Variants in SPECC1L observed in about 807,000 individuals in gnomAD.
SPECC1L encodes cytospin-A.
In SPECC1L, 40 loss-of-function variants were observed where a neutral mutation model predicts 116.8. The ratio of observed to expected loss-of-function variants is 0.34; its 90% CI spans 0.27 to 0.45. The LOEUF (loss-of-function observed/expected upper bound fraction) is 0.45, where lower values mean the gene tolerates loss of function less well. SPECC1L is among the 20% of genes least tolerant of loss of function. The pLI, the probability that SPECC1L is intolerant of heterozygous loss-of-function variation, is 1.00. For synonymous variants in SPECC1L, 504 were observed against 500.6 expected, an observed-to-expected ratio of 1.01 and a Z score of -0.09; for missense variants, 1,110 against 1,373.6, an observed-to-expected ratio of 0.81 and a Z score of 3.03.
intron 3 of SPECC1L, among the ~76,000 whole-genome samples, chr22:24,302,987 C>A (rs890839118): frequency 2.0e-5 from 3 of 151,962 alleles, no homozygotes; most frequent in Non-Finnish European, 2.9e-5. Context: ...AGATATTATT[C>A]TTATTATTAC....
intron 6 of SPECC1L, among the ~76,000 whole-genome samples, chr22:24,326,187 A>G (rs958605117): frequency 6.6e-6 from 1 of 152,206 alleles, no homozygotes; most frequent in African/African-American, 2.4e-5. Context: ...TCCTGACCTC[A>G]GGTGATCAGC....
Position 24,414,604 on chromosome 22 carries a change from A to T in SPECC1L, c.3335A>T (p.Tyr1112Phe). 1 of 1,614,018 alleles carries T rather than the reference A, an allele frequency of 6.2e-7. No homozygotes were observed. Among genetic ancestry groups the T allele is most frequent in the Non-Finnish European group, 8.5e-7 (1 of 1,179,984 alleles). Residue 1112 changes from tyrosine (Y) to phenylalanine (F), a missense_variant, in exon 17 of 17, where the codon TAC (tyrosine) becomes TTC (phenylalanine). By Grantham distance (22) the Tyr-to-Phe change is conservative. Coordinates refer to ENST00000314328, the MANE Select transcript of SPECC1L (RefSeq NM_015330.6). Reference protein sequence around the residue: ...QNVMLYVTAIYKYFET With the variant: ...QNVMLYVTAIFKYFET ...GTGATGCTGTATGTGACGGCGATCTACAAGTACTTTGAGACCTGAGCATGC... is the reference window on the plus strand; with the variant it reads ...GTGATGCTGTATGTGACGGCGATCTTCAAGTACTTTGAGACCTGAGCATGC...
chr22:24,322,140 A>G lies in SPECC1L; in HGVS notation c.1160A>G (p.Asn387Ser). The change falls in exon 5 of 17, where the codon AAT (asparagine) becomes AGT (serine). Residue 387 changes from asparagine (N) to serine (S), a missense_variant. Physicochemically the swap from Asn to Ser is conservative, Grantham distance 46. This residue lies in a region of SPECC1L where 437 missense variants were observed against 482.6 expected (regional missense o/e 0.91). Transcript: ENST00000314328. The part of the protein sequence containing the change: ...IERSRKGSSG[N>S]ASEVSVACLT... ...CGCTCCCGGAAGGGGAGCAGCGGGA[A>G]TGCCAGTGAAGTGTCCGTGGCTTGC... 6.2e-7 allele frequency: 1 copy of G among 1,614,010 alleles called. No homozygotes were observed. Among genetic ancestry groups the G allele is most frequent in the Non-Finnish European group, 8.5e-7 (1 of 1,180,030 alleles).
At chr22:24,312,432 A>C (rs1339290533) in intron 3 of SPECC1L, among the ~76,000 whole-genome samples, 1 of 152,256 alleles carries the variant, frequency 6.6e-6, no homozygotes, top group Non-Finnish European at 1.5e-5. Flanking sequence ...CAGTATGATT[A>C]TCTGAGAGAG....
intron 11 of SPECC1L, among the ~76,000 whole-genome samples, chr22:24,362,112 C>T (rs1229469750): frequency 6.6e-6 from 1 of 152,170 alleles, no homozygotes; most frequent in Non-Finnish European, 1.5e-5. Flanking sequence ...CAGCCCGTGA[C>T]CAGAAAGAAC....
chr22:24,387,546 T>G (rs1052195068), intron 14 of SPECC1L, among the ~76,000 whole-genome samples: 1 of 152,196 alleles, frequency 6.6e-6, no homozygotes, highest in African/African-American at 2.4e-5. Context: ...AAAAAATTTT[T>G]TTGGTATTTT....
At chr22:24,285,882 C>T (rs556546967) in intron 2 of SPECC1L, among the ~76,000 whole-genome samples, 5 of 152,262 alleles carry the variant, frequency 3.3e-5, no homozygotes, top group South Asian at 2.1e-4. Context: ...CCTCATGATC[C>T]GCCCGCCTCA....
chr22:24,317,138 A>AC lies in SPECC1L; in HGVS notation c.307+3678dup, dbSNP rs1210216971. ...GGGCGGCTGGCTGGGCGGGGGGCTG[A>AC]CCCCCCTACCTCCCTCCCGGACGGG... On this transcript the variant is annotated intron_variant, in intron 4 of 16. Transcript: ENST00000314328. Among the ~76,000 whole-genome samples the AC allele has an allele frequency of 1.2e-3, 86 of 73,088 alleles. 2 individuals carry two copies. Among genetic ancestry groups the AC allele is most frequent in the African/African-American group, 3.5e-3 (68 of 19,168 alleles). The allele number at this position is 73,088 out of a possible 152,430, so 47.9% of individuals were successfully genotyped here. A position where few individuals can be genotyped will look rare whatever the true frequency, so the allele number is the denominator to read the frequency against.
chr22:24,295,506 A>G (rs2049242761), intron 2 of SPECC1L, among the ~76,000 whole-genome samples: 2 of 151,606 alleles, frequency 1.3e-5, no homozygotes, highest in Non-Finnish European at 2.9e-5. Context: ...CCCTTCTTCC[A>G]ATTAGTATGA....
At chr22:24,396,204 CTTG>C (rs771602066) in intron 14 of SPECC1L, among the ~76,000 whole-genome samples, 45 of 152,268 alleles carry the variant, frequency 3.0e-4, no homozygotes, top group African/African-American at 9.1e-4. Context: ...ATATTTGACA[CTTG>C]TTGTGCACAA....
chr22:24,363,506 T>A (rs2041686590), intron 12 of SPECC1L, among the ~76,000 whole-genome samples, 162 bp downstream of exon 12: 1 of 152,122 alleles, frequency 6.6e-6, no homozygotes, highest in Non-Finnish European at 1.5e-5. Context: ...GGATTACAGG[T>A]GTGAGCCACT....
intron 10 of SPECC1L, among the ~76,000 whole-genome samples, chr22:24,342,563 C>T (rs902175404): frequency 7.3e-5 from 11 of 151,250 alleles, no homozygotes; most frequent in African/African-American, 2.7e-4. Context: ...ATCCCAGCTA[C>T]GCAGGAGGCT....
At chr22:24,327,702 G>A (rs956146334) in intron 6 of SPECC1L, among the ~76,000 whole-genome samples, 1 of 151,464 alleles carries the variant, frequency 6.6e-6, no homozygotes, top group Non-Finnish European at 1.5e-5. Context: ...TTTTATTACT[G>A]CTACCATTAG....
intron 2 of SPECC1L, among the ~76,000 whole-genome samples, chr22:24,300,642 C>G (rs8141970): frequency 6.6e-6 from 1 of 152,150 alleles, no homozygotes; most frequent in African/African-American, 2.4e-5. Context: ...TCTGCTGTTT[C>G]TTGACTTTTT....
intron 2 of SPECC1L, among the ~76,000 whole-genome samples, chr22:24,283,365 A>C (rs921735913): frequency 6.6e-6 from 1 of 152,260 alleles, no homozygotes; most frequent in African/African-American, 2.4e-5. Context: ...GGCGTGAGCC[A>C]CCGCGCCCAG....
intron 4 of SPECC1L, among the ~76,000 whole-genome samples, chr22:24,316,806 ACGGGGTGGTGGC>A (rs1224926915): frequency 1.4e-5 from 2 of 146,260 alleles, no homozygotes; most frequent in African/African-American, 5.1e-5. Context: ...CACCTCCCAG[ACGGGGTGGTGGC>A]CGGGCAGAGG....
intron 1 of SPECC1L, 74 bp downstream of exon 1, chr22:24,271,057 C>G (rs1157372825): frequency 2.0e-5 from 3 of 152,442 alleles, no homozygotes; most frequent in South Asian, 4.1e-4. Context: ...CCCGCGCTGC[C>G]GCGCCCGGGC....
chr22:24,364,042 A>G (rs1202324957), intron 12 of SPECC1L, among the ~76,000 whole-genome samples: 1 of 152,222 alleles, frequency 6.6e-6, no homozygotes, highest in Non-Finnish European at 1.5e-5. Flanking sequence ...TGGCGCCTGC[A>G]GATCCACCTT....
In SPECC1L at chr22:24,302,374, CATT is replaced by C. The variant is rs1466816438; in HGVS notation, c.144_146del (p.Leu49del). 6.2e-7 allele frequency: 1 copy of C among 1,613,976 alleles called. No homozygotes were observed. Reference sequence around the variant, plus strand: ...CTTGTAAAACCTGGAACAGCAGCATCATTGTCAAAGGTATTCATGTGATGTTTG... The same window carrying C: ...CTTGTAAAACCTGGAACAGCAGCATCGTCAAAGGTATTCATGTGATGTTTG... On this transcript the variant is annotated inframe_deletion, in exon 3 of 17. Coordinates refer to ENST00000314328, the MANE Select transcript of SPECC1L (RefSeq NM_015330.6).
Sources: allele counts gnomAD v4.1 joint callset (sites outside exome capture counted in the v4.1 genomes callset), GRCh38; gene constraint gnomAD v4.1.1; regional missense constraint gnomAD v4.1.1; transcripts MANE v1.5; gene names NCBI Gene and HGNC (gene_info 2026-07-23, HGNC 2026-07-21).